The following FOCAD variants were observed in gnomAD, a reference collection of about 807,000 sequenced individuals.
FOCAD encodes KIAA1797.
FOCAD carries 198 observed loss-of-function variants against 225.6 expected under a neutral mutation model. The ratio of observed to expected loss-of-function variants is 0.88; its 90% confidence interval spans 0.78 to 0.99. The LOEUF (loss-of-function observed/expected upper bound fraction) is 0.99, where lower values mean the gene tolerates loss of function less well. FOCAD is among the 50% of genes least tolerant of loss of function. FOCAD has a pLI of 0.00. For synonymous variants in FOCAD, 897 were observed against 755.0 expected, an observed-to-expected ratio of 1.19 and a Z score of -3.08; for missense variants, 2,713 against 2,123.6, an observed-to-expected ratio of 1.28 and a Z score of -5.46.
At chr9:20,754,455 A>G (rs1828858147) in intron 5 of FOCAD, among the ~76,000 whole-genome samples, 1 of 152,034 alleles carries the variant, frequency 6.6e-6, no homozygotes, top group South Asian at 2.1e-4. Flanking sequence ...ATCCAGTTTG[A>G]TAACTATATT....
chr9:20,986,578 G>T, intron 40 of FOCAD, 113 bp downstream of exon 40: 3 of 937,676 alleles, frequency 3.2e-6, no homozygotes, highest in East Asian at 3.1e-5. Context: ...ATTGACACAG[G>T]TTAGGCCTTC....
chr9:20,808,194 G>T (rs190726498), intron 11 of FOCAD, among the ~76,000 whole-genome samples: 1 of 152,204 alleles, frequency 6.6e-6, no homozygotes, highest in African/African-American at 2.4e-5. Flanking sequence ...CTAAGAGCGC[G>T]ATGGAATGTC....
chr9:20,717,769 T>A, intron 2 of FOCAD, 25 bp from the exon 3 acceptor site: 1 of 1,573,758 alleles, frequency 6.4e-7, no homozygotes, highest in Non-Finnish European at 8.7e-7. Flanking sequence ...AGGGACTGTG[T>A]TCATTAATTT....
At chr9:20,817,623 T>TA (rs1303156587) in intron 11 of FOCAD, among the ~76,000 whole-genome samples, 13 of 151,714 alleles carry the variant, frequency 8.6e-5, no homozygotes, top group Non-Finnish European at 1.8e-4. Context: ...ATTCTGCTCA[T>TA]ATAAATGAGA....
chr9:20,903,406 T>C (rs548508321), intron 21 of FOCAD, among the ~76,000 whole-genome samples: 43 of 152,086 alleles, frequency 2.8e-4, no homozygotes, highest in Middle Eastern at 3.4e-3. Flanking sequence ...CGCGTCTGAG[T>C]AGGTTTTCTT....
chr9:20,818,464 C>T (rs571869532), intron 11 of FOCAD, among the ~76,000 whole-genome samples: 1 of 151,890 alleles, frequency 6.6e-6, no homozygotes, highest in Non-Finnish European at 1.5e-5. Flanking sequence ...AGACTTAATC[C>T]TATATTTTCT....
chr9:20,813,623 T>C (rs898811437), intron 11 of FOCAD, among the ~76,000 whole-genome samples: 1 of 152,198 alleles, frequency 6.6e-6, no homozygotes, highest in Non-Finnish European at 1.5e-5. Context: ...GTCTTAAATT[T>C]GTTAAGACTT....
intron 26 of FOCAD, among the ~76,000 whole-genome samples, chr9:20,928,228 T>C (rs1189992653): frequency 1.3e-5 from 2 of 152,182 alleles, no homozygotes; most frequent in Non-Finnish European, 2.9e-5. Flanking sequence ...GATTGTCTCT[T>C]ACCTTTGTGA....
intron 11 of FOCAD, among the ~76,000 whole-genome samples, chr9:20,795,251 A>G (rs924557633): frequency 6.6e-6 from 1 of 152,208 alleles, no homozygotes; most frequent in Non-Finnish European, 1.5e-5. Context: ...AAAATTTCCA[A>G]ATAATATAAC....
In FOCAD at chr9:20,952,982, C is replaced by G. The variant is rs775077940; in HGVS notation, c.4052-3C>G. On this transcript the variant is annotated splice_polypyrimidine_tract_variant and splice_region_variant and intron_variant, in intron 34 of 43. Coordinates refer to ENST00000338382, the MANE Select transcript of FOCAD (RefSeq NM_001375567.1). ...TTAATTTGATCATTTTCTGTCTCCA[C>G]AGTTCCTACTGACTATAGCTACTTG... is the stretch of plus-strand genomic sequence containing the variant. 1.9e-6 allele frequency: 3 copies of G among 1,612,178 alleles called. No individual in the cohort carries two copies. Among genetic ancestry groups the G allele is most frequent in the Non-Finnish European group, 2.5e-6 (3 of 1,178,568 alleles).
At chr9:20,944,466 G>A (rs1836976955) in intron 28 of FOCAD, among the ~76,000 whole-genome samples, 161 bp from the exon 29 acceptor site, 1 of 152,144 alleles carries the variant, frequency 6.6e-6, no homozygotes, top group African/African-American at 2.4e-5. Flanking sequence ...AGAGGTATGT[G>A]TACTTGTCAT....
chr9:20,831,834 A>G (rs1825523560), intron 15 of FOCAD, among the ~76,000 whole-genome samples: 2 of 152,068 alleles, frequency 1.3e-5, no homozygotes, highest in African/African-American at 4.8e-5. Context: ...TGAAACCCAC[A>G]TCCCTTAAGC....
chr9:20,803,029 T>C lies in FOCAD; in HGVS notation c.1455+13421T>C, dbSNP rs1822015368. 2.0e-5 allele frequency among the ~76,000 whole-genome samples: 3 copies of C among 152,154 alleles called. No individual in the cohort carries two copies. The South Asian group carries it at 6.2e-4, about 32-fold the overall frequency. On this transcript the variant is annotated intron_variant, in intron 11 of 43. Coordinates refer to ENST00000338382, the MANE Select transcript of FOCAD (RefSeq NM_001375567.1). ...TCATTATTTCCAGTAGTGTGAATTA[T>C]TATTAATAATAATTATCCTGGTGAC...
At chr9:20,955,794 C>T (rs1838084011) in intron 35 of FOCAD, among the ~76,000 whole-genome samples, 1 of 151,998 alleles carries the variant, frequency 6.6e-6, no homozygotes, top group Non-Finnish European at 1.5e-5. Flanking sequence ...TTCTGATTTT[C>T]TCAAGATCAT....
At chr9:20,759,332 C>A (rs1392477085) in intron 6 of FOCAD, among the ~76,000 whole-genome samples, 1 of 152,126 alleles carries the variant, frequency 6.6e-6, no homozygotes, top group African/African-American at 2.4e-5. Context: ...CTACAGTCAC[C>A]AAAACAGCAT....
intron 35 of FOCAD, among the ~76,000 whole-genome samples, chr9:20,963,925 G>C (rs568999918): frequency 6.6e-6 from 1 of 152,160 alleles, no homozygotes; most frequent in Non-Finnish European, 1.5e-5. Context: ...CTCCACGAGC[G>C]CAGGGACCTA....
At chr9:20,916,867 T>G in intron 23 of FOCAD, 26 bp from the exon 24 acceptor site, 1 of 1,587,492 alleles carries the variant, frequency 6.3e-7, no homozygotes, top group Non-Finnish European at 8.6e-7. Context: ...ACATAAACTC[T>G]CGTCTATTTT....
At chr9:20,845,576 C>A (rs1008017004) in intron 15 of FOCAD, among the ~76,000 whole-genome samples, 4 of 151,438 alleles carry the variant, frequency 2.6e-5, no homozygotes, top group African/African-American at 4.9e-5. Flanking sequence ...TACAGTGCTA[C>A]AGTGATCAGC....
intron 8 of FOCAD, among the ~76,000 whole-genome samples, chr9:20,775,588 T>C (rs1429312034): frequency 6.6e-6 from 1 of 152,234 alleles, no homozygotes; most frequent in Non-Finnish European, 1.5e-5. Context: ...ATCTTTGTTT[T>C]GTCTGCTACC....
Sources: allele counts gnomAD v4.1 joint callset (sites outside exome capture counted in the v4.1 genomes callset), GRCh38; gene constraint gnomAD v4.1.1; transcripts MANE v1.5; gene names NCBI Gene and HGNC (gene_info 2026-07-23, HGNC 2026-07-21).